The following TMC5 variants were observed in gnomAD, a reference collection of about 807,000 sequenced individuals.
The protein encoded by TMC5 is transmembrane channel-like protein 5.
A neutral mutation model predicts 110.5 loss-of-function variants in TMC5; 86 were observed. The observed-to-expected ratio is 0.78, with a 90% confidence interval of 0.65 to 0.93. The LOEUF (loss-of-function observed/expected upper bound fraction) is 0.93, where lower values mean the gene tolerates loss of function less well. Ranked by LOEUF, TMC5 falls within the 40% of genes least tolerant of loss-of-function variation. The pLI is 0.00. For missense variants in TMC5, 1,144 were observed against 1,222.8 expected (o/e 0.94, Z 0.96); for synonymous variants, 455 against 439.5 (o/e 1.04, Z -0.44).
intron 17 of TMC5, chr16:19,488,043 C>T (rs1462230029): frequency 6.6e-6 from 1 of 152,570 alleles, no homozygotes. Flanking sequence ...GGCACCTGGC[C>T]CTGGGGTGAT....
Position 19,444,244 on chromosome 16 carries a change from G to A in TMC5, c.952G>A (p.Gly318Ser). 2 of 1,613,608 alleles carry A rather than the reference G, an allele frequency of 1.2e-6. No individual in the cohort carries two copies. Among genetic ancestry groups the A allele is most frequent in the Non-Finnish European group, 1.7e-6 (2 of 1,179,984 alleles). ...CTCTCTGCCAGGTGCTCCTGGAAGT[G>A]GCTATGGTAAGCATTTGTTAAGCCA... ...GHSLPGAPGS[G>S]YVNPAYVGES... Residue 318 changes from glycine (G) to serine (S), a missense_variant, in exon 4 of 22, where the codon GGC becomes AGC. Coordinates refer to ENST00000542583, the MANE Select transcript of TMC5 (RefSeq NM_001261841.2).
intron 18 of TMC5, among the ~76,000 whole-genome samples, chr16:19,490,903 CTCCCT>C (rs141088706): frequency 8.5e-5 from 5 of 58,596 alleles, no homozygotes; most frequent in Non-Finnish European, 2.3e-4. Context: ...CTCCCTTCCC[CTCCCT>C]TCCCTTCCCC....
intron 4 of TMC5, among the ~76,000 whole-genome samples, chr16:19,449,262 A>C (rs990389635): frequency 1.3e-5 from 2 of 152,202 alleles, no homozygotes; most frequent in East Asian, 3.8e-4. Context: ...CTGGGATTAC[A>C]GGCGTGAGCT....
chr16:19,437,586 T>C (rs1208740869), intron 2 of TMC5, among the ~76,000 whole-genome samples: 5 of 152,226 alleles, frequency 3.3e-5, no homozygotes, highest in South Asian at 2.1e-4. Flanking sequence ...GTCATTTACA[T>C]AGAGATAAAC....
chr16:19,487,262 A>G lies in TMC5; in HGVS notation c.2509A>G (p.Ile837Val). The change falls in exon 17 of 22, where the codon ATC becomes GTC. Residue 837 changes from isoleucine to valine, a missense_variant. Physicochemically the swap from Ile to Val is conservative, Grantham distance 29 (BLOSUM62 3). Coordinates refer to ENST00000542583, the MANE Select transcript of TMC5 (RefSeq NM_001261841.2). The stretch of plus-strand genomic sequence containing the variant: ...GGCCTCACAGATGATGACTTTCTTC[A>G]TCTTCTTGCTCTTTTTCCCATCCTT... ...WRASQMMTFF[I>V]FLLFFPSFTG... is the part of the protein sequence containing the mutation. The G allele has an allele frequency of 6.2e-7, 1 of 1,614,114 alleles. No individual in the cohort carries two copies. The highest frequency in any genetic ancestry group is 8.5e-7 in the Non-Finnish European group (1 of 1,180,010).
exon 1 of TMC5, chr16:19,410,753 C>G (rs188775936): frequency 5.2e-4 from 79 of 152,568 alleles, no homozygotes; most frequent in African/African-American, 1.8e-3. Flanking sequence ...GCGCAAGCAG[C>G]GGCAACAGGA....
chr16:19,458,304 G>A (rs1239274067), intron 5 of TMC5, among the ~76,000 whole-genome samples: 1 of 152,064 alleles, frequency 6.6e-6, no homozygotes, highest in African/African-American at 2.4e-5. Context: ...TCTGCCTCCT[G>A]GGTTCAAGCA....
At chr16:19,435,767 T>C (rs1279042910) in intron 2 of TMC5, among the ~76,000 whole-genome samples, 1 of 152,224 alleles carries the variant, frequency 6.6e-6, no homozygotes, top group Admixed American at 6.5e-5. Flanking sequence ...TGTAAAAACA[T>C]TATGCAGTAT....
intron 19 of TMC5, among the ~76,000 whole-genome samples, chr16:19,492,915 G>GATAGATATATATATATAT (rs58561457): frequency 1.1e-3 from 46 of 42,766 alleles, no homozygotes; most frequent in African/African-American, 2.1e-3. Flanking sequence ...TTAAAACTTA[G>GATAGATATATATATATAT]ATATATATAT....
At chr16:19,421,231 A>G (rs1966975782) in intron 1 of TMC5, among the ~76,000 whole-genome samples, 1 of 151,972 alleles carries the variant, frequency 6.6e-6, no homozygotes, top group East Asian at 1.9e-4. Context: ...TTTTATTTTT[A>G]AAAGTATCAT....
intron 6 of TMC5, 44 bp downstream of exon 6, chr16:19,460,378 C>A (rs9921076): frequency 0.033 from 43,730 of 1,343,574 alleles, 849 homozygotes; most frequent in African/African-American, 0.058. Flanking sequence ...TTCATGCGAA[C>A]CTCAATCCTC....
intron 15 of TMC5, among the ~76,000 whole-genome samples, chr16:19,485,795 G>C (rs1417945213): frequency 6.6e-6 from 1 of 152,332 alleles, no homozygotes; most frequent in Non-Finnish European, 1.5e-5. Flanking sequence ...TGGGAGAATG[G>C]CATTCTAGAA....
intron 20 of TMC5, among the ~76,000 whole-genome samples, chr16:19,494,861 G>GT (rs1367775106): frequency 6.6e-6 from 1 of 151,896 alleles, no homozygotes; most frequent in Admixed American, 6.6e-5. Flanking sequence ...CTTTTTCTAG[G>GT]TGCTGGGGTT....
At chr16:19,473,571 A>G (rs12596274) in intron 11 of TMC5, among the ~76,000 whole-genome samples, 131,924 of 152,082 alleles carry the variant, frequency 0.87, 57,424 homozygotes, top group South Asian at 0.93. Context: ...TGAGTCAGAC[A>G]CACCTAGGCT....
chr16:19,467,142 CAAA>C (rs758104363), intron 9 of TMC5, among the ~76,000 whole-genome samples: 1 of 145,512 alleles, frequency 6.9e-6, no homozygotes, highest in Non-Finnish European at 1.5e-5. Context: ...GATCCTGTTT[CAAA>C]AAAAAAAGAG....
intron 12 of TMC5, among the ~76,000 whole-genome samples, chr16:19,475,549 C>T (rs147714802): frequency 6.6e-6 from 1 of 152,276 alleles, no homozygotes; most frequent in East Asian, 1.9e-4. Flanking sequence ...CTCATTTTCT[C>T]CCCATCCTTC....
At chr16:19,493,097 A>G (rs1374359729) in intron 19 of TMC5, among the ~76,000 whole-genome samples, 2 of 151,000 alleles carry the variant, frequency 1.3e-5, no homozygotes, top group East Asian at 2.0e-4. Context: ...GCATAGCTGG[A>G]ATTACAGGCG....
chr16:19,466,939 G>A (rs1332884304), intron 9 of TMC5, among the ~76,000 whole-genome samples: 17 of 152,104 alleles, frequency 1.1e-4, no homozygotes, highest in Admixed American at 7.9e-4. Context: ...GAGTCCAGGA[G>A]TTCGAGACTG....
intron 4 of TMC5, among the ~76,000 whole-genome samples, chr16:19,448,725 T>G (rs1044254378): frequency 1.4e-5 from 2 of 146,372 alleles, no homozygotes; most frequent in Admixed American, 1.4e-4. Context: ...ATATTTATTT[T>G]TATATTATAT....
Sources: gnomAD v4.1 joint callset for allele counts (sites outside exome capture counted in the v4.1 genomes callset) on GRCh38, gnomAD v4.1.1 for gene constraint, MANE v1.5 for transcripts, NCBI Gene and HGNC (gene_info 2026-07-23, HGNC 2026-07-21) for gene names.